Variants in UPF2 observed in about 807,000 individuals in gnomAD.
UPF2 encodes UPF2 regulator of nonsense mediated mRNA decay.
UPF2 carries 17 observed loss-of-function variants against 141.4 expected under a neutral mutation model. The observed-to-expected ratio is 0.12, with a 90% CI of 0.08 to 0.18. The LOEUF (loss-of-function observed/expected upper bound fraction) is 0.18, where lower values mean the gene tolerates loss of function less well. UPF2 is among the 10% of genes least tolerant of loss of function. The probability of loss-of-function intolerance (pLI) is 1.00; values close to 1 mark genes in which losing one functional copy is unlikely to be tolerated. For missense variants in UPF2, 1,152 were observed against 1,515.9 expected (o/e 0.76, Z 3.99); for synonymous variants, 540 against 498.0 (o/e 1.08, Z -1.12).
chr10:11,984,741 C>G (rs35105482), intron 8 of UPF2, among the ~76,000 whole-genome samples: 8,120 of 150,782 alleles, frequency 0.054, 286 homozygotes, highest in Non-Finnish European at 0.08. Context: ...AAAAAAGAGT[C>G]TCACTCTGTT....
At chr10:11,970,798 TGA>T (rs1343996626) in intron 9 of UPF2, among the ~76,000 whole-genome samples, 3 of 151,750 alleles carry the variant, frequency 2.0e-5, no homozygotes, top group Non-Finnish European at 4.4e-5. Flanking sequence ...GGCGACAGAG[TGA>T]GACTCTAACT....
chr10:11,952,369 CACTT>C, intron 14 of UPF2, 120 bp from the exon 15 acceptor site: 1 of 855,034 alleles, frequency 1.2e-6, no homozygotes, highest in Non-Finnish European at 1.7e-6. Flanking sequence ...TTATAAAAGA[CACTT>C]ACCATTTCTA....
At chr10:11,952,825 T>C (rs547742681) in intron 14 of UPF2, among the ~76,000 whole-genome samples, 7 of 152,160 alleles carry the variant, frequency 4.6e-5, no homozygotes, top group African/African-American at 1.4e-4. Context: ...CAAGGAAATA[T>C]TATAAATAAA....
intron 8 of UPF2, among the ~76,000 whole-genome samples, chr10:11,983,992 C>T (rs1833644093): frequency 1.3e-5 from 2 of 151,832 alleles, no homozygotes; most frequent in African/African-American, 2.4e-5. Context: ...GGCGCGATCT[C>T]GGCTCACCAC....
chr10:12,041,459 C>T (rs1254077630), intron 1 of UPF2, among the ~76,000 whole-genome samples: 1 of 152,120 alleles, frequency 6.6e-6, no homozygotes, highest in Non-Finnish European at 1.5e-5. Flanking sequence ...ACATTCTGAA[C>T]TTCCAAAAGA....
At chr10:12,007,769 T>C (rs1834058273) in intron 4 of UPF2, among the ~76,000 whole-genome samples, 1 of 151,070 alleles carries the variant, frequency 6.6e-6, no homozygotes, top group Non-Finnish European at 1.5e-5. Flanking sequence ...GAGCAGAGCT[T>C]GCAGTGAGCT....
rs1438358453 is a variant in UPF2, at chr10:11,942,833, T to C, written c.3280-70A>G. ...TAATGTTTTCTAGGGCAAAGCCTTTTAGTATTGACAACTTGTTTAACATAA... is the reference window on the plus strand; with the variant it reads ...TAATGTTTTCTAGGGCAAAGCCTTTCAGTATTGACAACTTGTTTAACATAA... On this transcript the variant is annotated intron_variant, in intron 17 of 21. Coordinates refer to ENST00000357604, the MANE Select transcript of UPF2 (RefSeq NM_015542.4). 1.3e-5 allele frequency: 18 copies of C among 1,388,496 alleles called. No homozygotes were observed. In the Admixed American group the frequency reaches 2.0e-4, roughly 15 times the overall value. The allele number at this position is 1,388,496 out of a possible 1,614,324, so 86.0% of individuals were successfully genotyped here.
intron 8 of UPF2, among the ~76,000 whole-genome samples, chr10:11,983,926 T>C (rs1833642331): frequency 6.6e-6 from 1 of 152,092 alleles, no homozygotes; most frequent in Non-Finnish European, 1.5e-5. Context: ...AATTAATTGA[T>C]AACTTTTTTT....
At chr10:12,031,924 T>C (rs947742651) in intron 2 of UPF2, among the ~76,000 whole-genome samples, 2 of 152,204 alleles carry the variant, frequency 1.3e-5, no homozygotes, top group Non-Finnish European at 2.9e-5. Context: ...ACTGAGAACA[T>C]GGACAGTTGA....
chr10:12,031,259 T>C (rs970135005), intron 2 of UPF2, among the ~76,000 whole-genome samples: 1 of 151,524 alleles, frequency 6.6e-6, no homozygotes, highest in Non-Finnish European at 1.5e-5. Flanking sequence ...TTTAACAAAG[T>C]ACCTTGCTAT....
intron 9 of UPF2, 113 bp from the exon 10 acceptor site, chr10:11,967,567 T>C: frequency 1.5e-6 from 1 of 681,644 alleles, no homozygotes; most frequent in Non-Finnish European, 2.3e-6. Context: ...TTTTTTTTTT[T>C]TGAGACAGAG....
intron 4 of UPF2, among the ~76,000 whole-genome samples, chr10:12,012,125 C>T (rs1209021952): frequency 2.0e-5 from 3 of 149,762 alleles, no homozygotes; most frequent in Admixed American, 1.3e-4. Flanking sequence ...TGCAATGGCG[C>T]GAGCCTGGCT....
At chr10:12,029,744 C>CT (rs1834482713) in intron 2 of UPF2, among the ~76,000 whole-genome samples, 1 of 152,004 alleles carries the variant, frequency 6.6e-6, no homozygotes, top group Admixed American at 6.6e-5. Context: ...GACAGATCAC[C>CT]TGAGGTCAGG....
At chr10:11,928,480 C>T (rs576572220) in intron 21 of UPF2, among the ~76,000 whole-genome samples, 2 of 151,932 alleles carry the variant, frequency 1.3e-5, no homozygotes, top group South Asian at 2.1e-4. Context: ...GAGGCCGAGG[C>T]GGGCGGATCA....
intron 4 of UPF2, among the ~76,000 whole-genome samples, chr10:12,013,663 CATGAGTTATTATT>C (rs1834169979): frequency 6.6e-6 from 1 of 152,112 alleles, no homozygotes; most frequent in Non-Finnish European, 1.5e-5. Flanking sequence ...ATCATATTAT[CATGAGTTATTATT>C]TTCTAGGTCC....
chr10:11,949,605 C>A (rs913564389), intron 15 of UPF2, among the ~76,000 whole-genome samples: 2 of 152,166 alleles, frequency 1.3e-5, no homozygotes, highest in Non-Finnish European at 2.9e-5. Flanking sequence ...AAACTTAAGA[C>A]AGCCCATATA....
At chr10:12,026,313 GAAC>G (rs572919597) in intron 3 of UPF2, among the ~76,000 whole-genome samples, 19 of 152,196 alleles carry the variant, frequency 1.2e-4, no homozygotes, top group African/African-American at 4.6e-4. Context: ...AAAACCAAAA[GAAC>G]AACAAGGTAG....
intron 21 of UPF2, among the ~76,000 whole-genome samples, chr10:11,929,342 G>T (rs1252308199): frequency 6.6e-6 from 1 of 152,180 alleles, no homozygotes; most frequent in Non-Finnish European, 1.5e-5. Context: ...GAAAAAAGAA[G>T]TCCACTCAGA....
At chr10:11,995,413 G>A (rs1671094733) in intron 8 of UPF2, among the ~76,000 whole-genome samples, 1 of 152,176 alleles carries the variant, frequency 6.6e-6, no homozygotes, top group Non-Finnish European at 1.5e-5. Flanking sequence ...CAGGCATTGT[G>A]CTATGTGCTG....
Sources: gnomAD v4.1 joint callset for allele counts (sites outside exome capture counted in the v4.1 genomes callset) on GRCh38, gnomAD v4.1.1 for gene constraint, MANE v1.5 for transcripts, NCBI Gene and HGNC (gene_info 2026-07-23, HGNC 2026-07-21) for gene names.